Variants in ASIC2 observed in about 807,000 individuals in gnomAD.
The protein encoded by ASIC2 is acid sensing ion channel subunit 2.
Under a neutral mutation model 57.3 loss-of-function variants are expected in ASIC2, and 25 were observed. The ratio of observed to expected loss-of-function variants is 0.44; its 90% CI spans 0.32 to 0.61. The LOEUF is 0.61. Among genes scored for constraint, ASIC2 ranks in the 20% least tolerant of loss-of-function variants. The probability of loss-of-function intolerance (pLI) is 0.06; values close to 1 mark genes in which losing one functional copy is unlikely to be tolerated. For missense variants in ASIC2, 641 were observed against 738.1 expected (o/e 0.87, Z 1.52); for synonymous variants, 319 against 307.5 (o/e 1.04, Z -0.39).
chr17:33,540,846 G>A (rs1915385985), intron 1 of ASIC2, among the ~76,000 whole-genome samples: 1 of 152,222 alleles, frequency 6.6e-6, no homozygotes, highest in African/African-American at 2.4e-5. Flanking sequence ...TGCATCAGCT[G>A]AATGAAGAGC....
In ASIC2 at chr17:33,292,010, C is replaced by G; in HGVS notation, c.106G>C (p.Gly36Arg). 1 of 1,219,986 alleles carries G rather than the reference C, an allele frequency of 8.2e-7. No homozygotes were observed. The allele number at this position is 1,219,986 out of a possible 1,614,324, so 75.6% of individuals were successfully genotyped here. ...EPAPAALAAA[G>R]QPGGGRGGER... ...CCGCCTCTGCCGCCCCCGGGCTGCC[C>G]GGCAGCCGCCAACGCCGCGGGCGCC... The change falls in exon 1 of 10, where the codon GGG (glycine) becomes CGG (arginine). Residue 36 changes from glycine to arginine, a missense_variant. Gly to Arg is a moderately radical substitution (Grantham distance 125, BLOSUM62 -2). Coordinates refer to ENST00000225823, the MANE Select transcript of ASIC2 (RefSeq NM_183377.2).
chr17:33,129,455 C>T (rs1341266567), intron 1 of ASIC2, among the ~76,000 whole-genome samples: 2 of 152,212 alleles, frequency 1.3e-5, no homozygotes, highest in African/African-American at 2.4e-5. Flanking sequence ...AAAGAACAGA[C>T]ATATTCTTTC....
At chr17:33,243,588 T>C (rs1344615975) in intron 1 of ASIC2, among the ~76,000 whole-genome samples, 1 of 152,090 alleles carries the variant, frequency 6.6e-6, no homozygotes, top group East Asian at 1.9e-4. Context: ...CCATCAGTAA[T>C]TGTGTGTGGA....
intron 1 of ASIC2, among the ~76,000 whole-genome samples, chr17:33,764,943 C>T (rs1391177470): frequency 5.9e-5 from 9 of 152,074 alleles, no homozygotes; most frequent in African/African-American, 9.7e-5. Context: ...TCAGCCTGGG[C>T]GTATGCTGAT....
intron 1 of ASIC2, among the ~76,000 whole-genome samples, chr17:33,753,132 A>G (rs1910484753): frequency 6.6e-6 from 1 of 152,240 alleles, no homozygotes; most frequent in Admixed American, 6.5e-5. Context: ...TGATATAAAG[A>G]AATTGGTTGT....
chr17:33,215,652 T>C (rs1260407482), intron 1 of ASIC2, among the ~76,000 whole-genome samples: 2 of 151,794 alleles, frequency 1.3e-5, no homozygotes, highest in African/African-American at 4.8e-5. Context: ...GTTTCTGGAA[T>C]TAGGAATCAT....
chr17:34,109,960 GAGAA>G (rs1290835004), intron 1 of ASIC2, among the ~76,000 whole-genome samples: 2 of 151,744 alleles, frequency 1.3e-5, no homozygotes, highest in African/African-American at 2.4e-5. Context: ...GTGTGTGAGA[GAGAA>G]AGAGAGAGAG....
intron 1 of ASIC2, among the ~76,000 whole-genome samples, chr17:33,831,214 T>G (rs1214003182): frequency 6.6e-6 from 1 of 150,610 alleles, no homozygotes; most frequent in Admixed American, 6.6e-5. Context: ...TGCATATAAA[T>G]TATGTTGTAC....
intron 1 of ASIC2, among the ~76,000 whole-genome samples, chr17:33,548,712 G>A (rs1324782453): frequency 6.6e-6 from 1 of 152,110 alleles, no homozygotes; most frequent in African/African-American, 2.4e-5. Context: ...ACACTCAACT[G>A]TTTTTCCAAG....
chr17:33,366,409 C>G (rs1908811470), intron 1 of ASIC2, among the ~76,000 whole-genome samples: 1 of 152,228 alleles, frequency 6.6e-6, no homozygotes, highest in Admixed American at 6.5e-5. Flanking sequence ...TGAAGGCACT[C>G]TACTTTCCCA....
intron 1 of ASIC2, among the ~76,000 whole-genome samples, chr17:33,502,308 G>T (rs1284115478): frequency 6.6e-6 from 1 of 152,216 alleles, no homozygotes; most frequent in Non-Finnish European, 1.5e-5. Flanking sequence ...ACACTAGGGA[G>T]ATGTTCCTGC....
intron 3 of ASIC2, among the ~76,000 whole-genome samples, chr17:33,079,113 C>A (rs142391491): frequency 6.6e-6 from 1 of 152,130 alleles, no homozygotes; most frequent in Admixed American, 6.5e-5. Flanking sequence ...TTTATTTATT[C>A]GTTCATTTCA....
intron 1 of ASIC2, among the ~76,000 whole-genome samples, chr17:33,808,795 CA>C (rs1912338362): frequency 6.6e-6 from 1 of 152,330 alleles, no homozygotes; most frequent in South Asian, 2.1e-4. Flanking sequence ...GAGGTTTACA[CA>C]AGCTTGCTTG....
At chr17:33,121,510 A>T (rs557721321) in intron 1 of ASIC2, among the ~76,000 whole-genome samples, 1 of 152,276 alleles carries the variant, frequency 6.6e-6, no homozygotes, top group African/African-American at 2.4e-5. Context: ...GGTATTTAGC[A>T]GGTTGAGACA....
chr17:34,034,734 C>A (rs1483961945), intron 1 of ASIC2, among the ~76,000 whole-genome samples: 1 of 151,960 alleles, frequency 6.6e-6, no homozygotes, highest in Non-Finnish European at 1.5e-5. Flanking sequence ...AAACAGAGAG[C>A]CAAATCATGA....
intron 1 of ASIC2, among the ~76,000 whole-genome samples, chr17:33,841,827 G>A (rs767978922): frequency 1.5e-4 from 23 of 152,144 alleles, no homozygotes; most frequent in Admixed American, 4.6e-4. Context: ...TCAAGAGGCC[G>A]GAGAAGAGAC....
intron 1 of ASIC2, among the ~76,000 whole-genome samples, chr17:33,752,106 C>A (rs1195662788): frequency 1.3e-5 from 2 of 152,174 alleles, no homozygotes; most frequent in African/African-American, 2.4e-5. Context: ...TAGAAGGTTG[C>A]AGTCTGGGTA....
At chr17:34,014,550 C>T (rs1280410939) in intron 1 of ASIC2, among the ~76,000 whole-genome samples, 2 of 152,172 alleles carry the variant, frequency 1.3e-5, no homozygotes, top group Non-Finnish European at 2.9e-5. Context: ...CTTCCAGGCC[C>T]CGTCCACAGA....
Position 33,723,935 on chromosome 17 carries a change from G to A in ASIC2, c.555+432043C>T, listed in dbSNP as rs1414903657. ...GGCAGAGGAGCTTGAAATCATGCAG[G>A]ACTTTACAGGAATAGTCAGTGATGT... On this transcript the variant is annotated intron_variant, in intron 1 of 9. Coordinates refer to the ASIC2 transcript ENST00000359872. Among the ~76,000 whole-genome samples the A allele has an allele frequency of 2.0e-5, 3 of 152,102 alleles. No homozygotes were observed. In the East Asian group the frequency reaches 5.8e-4, roughly 29 times the overall value.
Sources: gnomAD v4.1 joint callset for allele counts (sites outside exome capture counted in the v4.1 genomes callset) on GRCh38, gnomAD v4.1.1 for gene constraint, MANE v1.5 for transcripts, NCBI Gene and HGNC (gene_info 2026-07-23, HGNC 2026-07-21) for gene names.